The following NSUN6 variants were observed in gnomAD, a reference collection of about 807,000 sequenced individuals.
NSUN6 encodes the protein tRNA (cytosine(72)-C(5))-methyltransferase NSUN6.
A neutral mutation model predicts 58.0 loss-of-function variants in NSUN6; 64 were observed. That is an observed-to-expected ratio of 1.10 (90% CI 0.90 to 1.36). The LOEUF (loss-of-function observed/expected upper bound fraction) is 1.36. NSUN6 is among the 40% of genes most tolerant of loss of function. NSUN6 has a pLI of 0.00. For missense variants in NSUN6, 701 were observed against 550.1 expected (o/e 1.27, Z -2.74); for synonymous variants, 231 against 193.9 (o/e 1.19, Z -1.59).
chr10:18,545,954 A>G lies in NSUN6; in HGVS notation c.1389T>C (p.Phe463=). The change falls in exon 11 of 11, where the codon TTT becomes TTC. Residue 463 remains phenylalanine, a synonymous_variant. Transcript: ENST00000377304. ...KDSIGFFIAK[F]VKCKST is the part of the protein sequence containing the mutation. ...TCTCCTATGTGCTTTTGCATTTTAC[A>G]AATTTTGCAATAAAAAAACCTATAG... 6.3e-7 allele frequency: 1 copy of G among 1,579,322 alleles called. No homozygotes were observed. Among genetic ancestry groups the G allele is most frequent in the Admixed American group, 2.0e-5 (1 of 50,374 alleles).
At chr10:18,618,995 GC>G (rs2058509550) in intron 3 of NSUN6, among the ~76,000 whole-genome samples, 1 of 152,088 alleles carries the variant, frequency 6.6e-6, no homozygotes, top group South Asian at 2.1e-4. Flanking sequence ...CTCTGAACAT[GC>G]CCGATCTCAG....
intron 1 of NSUN6, among the ~76,000 whole-genome samples, chr10:18,650,385 G>A (rs11818242): frequency 0.011 from 1,698 of 151,366 alleles, 36 homozygotes; most frequent in African/African-American, 0.04. Flanking sequence ...CATTTTTTGA[G>A]GACTTACATG....
intron 3 of NSUN6, among the ~76,000 whole-genome samples, chr10:18,624,415 C>T (rs11015196): frequency 6.6e-6 from 1 of 151,458 alleles, no homozygotes; most frequent in South Asian, 2.1e-4. Context: ...GTGGCTCATG[C>T]CTATAATCCC....
At chr10:18,594,671 G>A (rs987127064) in intron 7 of NSUN6, among the ~76,000 whole-genome samples, 2 of 151,984 alleles carry the variant, frequency 1.3e-5, no homozygotes, top group African/African-American at 2.4e-5. Flanking sequence ...GGATGGTCTC[G>A]ATCTCTTAAC....
Position 18,648,278 on chromosome 10 carries a change from C to G in NSUN6, c.231+212G>C, listed in dbSNP as rs573254800. 1.8e-4 allele frequency among the ~76,000 whole-genome samples: 27 copies of G among 152,248 alleles called. 1 individual carries two copies. In the South Asian group the frequency reaches 5.6e-3, roughly 32 times the overall value. ...GAGGGGTTTAATGAGCTATTTTAGTCACCAAAAATGAATAAATTTAGAATC... is the reference window on the plus strand; with the variant it reads ...GAGGGGTTTAATGAGCTATTTTAGTGACCAAAAATGAATAAATTTAGAATC... On this transcript the variant is annotated intron_variant, in intron 2 of 10. Coordinates refer to ENST00000377304, the MANE Select transcript of NSUN6 (RefSeq NM_182543.5).
intron 2 of NSUN6, among the ~76,000 whole-genome samples, chr10:18,643,378 T>A (rs532302674): frequency 2.6e-5 from 4 of 151,786 alleles, no homozygotes; most frequent in African/African-American, 9.7e-5. Flanking sequence ...GTCTGCCTCG[T>A]AGGTTAGGGT....
chr10:18,564,262 C>T (rs1187818337), intron 8 of NSUN6, among the ~76,000 whole-genome samples: 1 of 150,164 alleles, frequency 6.7e-6, no homozygotes, highest in Non-Finnish European at 1.5e-5. Flanking sequence ...CATTCCCATA[C>T]ATTCTCCACT....
intron 3 of NSUN6, among the ~76,000 whole-genome samples, chr10:18,626,725 C>G (rs902020447): frequency 1.3e-5 from 2 of 152,162 alleles, no homozygotes; most frequent in Non-Finnish European, 2.9e-5. Flanking sequence ...CGAGATCGTG[C>G]CATTGCACTC....
At chr10:18,564,421 C>T (rs556887742) in intron 8 of NSUN6, among the ~76,000 whole-genome samples, 2 of 149,700 alleles carry the variant, frequency 1.3e-5, no homozygotes, top group Admixed American at 6.7e-5. Context: ...TTCCATTCTC[C>T]GTTCCATTCC....
In NSUN6 at chr10:18,595,647, G is replaced by A. The variant is rs528106700; in HGVS notation, c.777+561C>T. On this transcript the variant is annotated intron_variant, in intron 7 of 10. Coordinates refer to ENST00000377304, the MANE Select transcript of NSUN6 (RefSeq NM_182543.5). ...CAGGCAAGTATATCCTCTCTAATGAGTATTACATTCCTCAAAATGTAAACA... is the reference window on the plus strand; with the variant it reads ...CAGGCAAGTATATCCTCTCTAATGAATATTACATTCCTCAAAATGTAAACA... Among the ~76,000 whole-genome samples, 17 of 152,224 alleles carry A rather than the reference G, an allele frequency of 1.1e-4. No individual in the cohort carries two copies. In the South Asian group the frequency reaches 3.3e-3, roughly 30 times the overall value.
rs562754636 is a variant in NSUN6, at chr10:18,618,004, G to A, written c.312-1711C>T. Among the ~76,000 whole-genome samples the A allele has an allele frequency of 9.2e-5, 14 of 152,234 alleles. No homozygotes were observed. In the South Asian group the frequency reaches 2.7e-3, roughly 29 times the overall value. ...TTCTTTATAAATTATCCAGTCTCAGGTATTCTGCTATAGCAGCAAAAAATA... is the reference window on the plus strand; with the variant it reads ...TTCTTTATAAATTATCCAGTCTCAGATATTCTGCTATAGCAGCAAAAAATA... On this transcript the variant is annotated intron_variant, in intron 3 of 10. Coordinates refer to ENST00000377304, the MANE Select transcript of NSUN6 (RefSeq NM_182543.5).
chr10:18,557,492 GGAATGGAATGGAGAATAGAATGGAAGGGA>G (rs1244466031), intron 8 of NSUN6, among the ~76,000 whole-genome samples: 1 of 150,718 alleles, frequency 6.6e-6, no homozygotes, highest in African/African-American at 2.4e-5. Context: ...AATAGAGCAT[GGAATGGAATGGAGAATAGAATGGAAGGGA>G]GAATGGAATG....
Position 18,609,911 on chromosome 10 carries a change from T to G in NSUN6, c.591A>C (p.Arg197Ser). The G allele has an allele frequency of 6.3e-7, 1 of 1,597,664 alleles. No homozygotes were observed. The highest frequency in any genetic ancestry group is 1.3e-5 in the African/African-American group (1 of 74,750). Residue 197 changes from arginine to serine, a missense_variant, in exon 6 of 11, where the codon AGA (arginine) becomes AGC (serine). Arg to Ser is a moderately radical substitution (Grantham distance 110). Coordinates refer to ENST00000377304, the MANE Select transcript of NSUN6 (RefSeq NM_182543.5). ...GGCTGAGATATACTGGTTCTGTCATTCTTATGCCCATGCCTCTGAAAAATA... is the reference window on the plus strand; with the variant it reads ...GGCTGAGATATACTGGTTCTGTCATGCTTATGCCCATGCCTCTGAAAAATA... ...GLPELKGMGI[R>S]MTEPVYLSPS...
At chr10:18,623,487 T>C (rs2058680648) in intron 3 of NSUN6, among the ~76,000 whole-genome samples, 1 of 152,166 alleles carries the variant, frequency 6.6e-6, no homozygotes, top group Non-Finnish European at 1.5e-5. Context: ...GTGGAGTCTC[T>C]GAAAAGGAGA....
intron 3 of NSUN6, among the ~76,000 whole-genome samples, chr10:18,629,191 G>A (rs966245105): frequency 5.0e-4 from 76 of 152,280 alleles, no homozygotes; most frequent in African/African-American, 1.7e-3. Context: ...ATCCTTTACA[G>A]ACAAGCAAAT....
intron 6 of NSUN6, among the ~76,000 whole-genome samples, chr10:18,605,022 A>G (rs1411452894): frequency 6.6e-6 from 1 of 151,028 alleles, no homozygotes; most frequent in Non-Finnish European, 1.5e-5. Context: ...AGTAGCTGGG[A>G]CTATAGGCGT....
intron 8 of NSUN6, among the ~76,000 whole-genome samples, chr10:18,563,722 GTTCCATTCTCCATTCCA>G (rs1162041348): frequency 1.4e-5 from 2 of 142,056 alleles, no homozygotes; most frequent in Non-Finnish European, 3.1e-5. Context: ...ATTCCACTCC[GTTCCATTCTCCATTCCA>G]TTCCATTCTC....
At chr10:18,626,741 T>A (rs2058822864) in intron 3 of NSUN6, among the ~76,000 whole-genome samples, 1 of 152,016 alleles carries the variant, frequency 6.6e-6, no homozygotes, top group Non-Finnish European at 1.5e-5. Context: ...CACTCTAGCT[T>A]GGGCAACAAG....
chr10:18,622,507 A>G lies in NSUN6; in HGVS notation c.312-6214T>C, dbSNP rs144405423. ...GGTGGGCAGATTACCTGAGGTCAGG[A>G]GTTCGAGACCAGCCTGGCCAACATG... On this transcript the variant is annotated intron_variant, in intron 3 of 10. Coordinates refer to ENST00000377304, the MANE Select transcript of NSUN6 (RefSeq NM_182543.5). Among the ~76,000 whole-genome samples, 1,007 of 152,332 alleles carry G rather than the reference A, an allele frequency of 6.6e-3. 17 individuals are homozygous for G. The highest frequency in any genetic ancestry group is 0.023 in the African/African-American group (977 of 41,586).
Sources: allele counts gnomAD v4.1 joint callset (sites outside exome capture counted in the v4.1 genomes callset), GRCh38; gene constraint gnomAD v4.1.1; transcripts MANE v1.5; gene names NCBI Gene and HGNC (gene_info 2026-07-23, HGNC 2026-07-21).